Variants in NCKAP5 observed in about 807,000 individuals in gnomAD.
NCKAP5 encodes nck-associated protein 5.
In NCKAP5, 92 loss-of-function variants were observed where a neutral mutation model predicts 167.0. The ratio of observed to expected loss-of-function variants is 0.55; its 90% CI spans 0.47 to 0.66. NCKAP5 has a LOEUF of 0.66. NCKAP5 is among the 30% of genes least tolerant of loss of function. The pLI is 0.00. For missense variants in NCKAP5, 2,378 were observed against 2,315.0 expected (o/e 1.03, Z -0.56); for synonymous variants, 891 against 877.4 (o/e 1.02, Z -0.27).
At chr2:132,759,440 C>T (rs1474016860) in intron 16 of NCKAP5, among the ~76,000 whole-genome samples, 1 of 152,088 alleles carries the variant, frequency 6.6e-6, no homozygotes, top group Middle Eastern at 3.4e-3. Flanking sequence ...TGTATGTGTA[C>T]CGATTTATAA....
the NCKAP5 span, among the ~76,000 whole-genome samples, chr2:133,612,443 T>C: frequency 1.3e-5 from 2 of 152,196 alleles, no homozygotes; most frequent in African/African-American, 4.8e-5. Flanking sequence ...AAGCATTGTG[T>C]TTTACTAGAG....
At chr2:133,507,942 C>G (rs1683157748) in intron 3 of NCKAP5, among the ~76,000 whole-genome samples, 2 of 152,018 alleles carry the variant, frequency 1.3e-5, no homozygotes, top group Admixed American at 1.3e-4. Context: ...TGTAAGATAC[C>G]TAGGCTGCTG....
chr2:132,969,847 T>C (rs1326852841), intron 7 of NCKAP5, among the ~76,000 whole-genome samples: 1 of 152,240 alleles, frequency 6.6e-6, no homozygotes, highest in African/African-American at 2.4e-5. Flanking sequence ...GCCTGTGCTC[T>C]ACATGACAAA....
chr2:132,986,322 T>G (rs1449419071), intron 7 of NCKAP5, among the ~76,000 whole-genome samples: 1 of 152,222 alleles, frequency 6.6e-6, no homozygotes, highest in Non-Finnish European at 1.5e-5. Context: ...GAATAGGTGT[T>G]GATGTACCTC....
At chr2:132,794,263 T>TAGAGAGAGAGAGAGAGAG (rs70973407) in intron 12 of NCKAP5, among the ~76,000 whole-genome samples, 1 of 11,916 alleles carries the variant, frequency 8.4e-5, no homozygotes, top group Non-Finnish European at 1.7e-4. Flanking sequence ...TATATATATA[T>TAGAGAGAGAGAGAGAGAG]AGAGAGAGAG....
intron 4 of NCKAP5, among the ~76,000 whole-genome samples, chr2:133,245,918 G>T (rs996165960): frequency 6.6e-6 from 1 of 150,948 alleles, no homozygotes; most frequent in Non-Finnish European, 1.5e-5. Context: ...AAAAAAAATG[G>T]AGGTGGGGAG....
intron 3 of NCKAP5, among the ~76,000 whole-genome samples, chr2:133,503,084 G>A (rs1439660437): frequency 3.9e-5 from 6 of 152,212 alleles, no homozygotes; most frequent in Non-Finnish European, 7.3e-5. Flanking sequence ...AATCAAGAGT[G>A]TGTATGGTTT....
intron 3 of NCKAP5, among the ~76,000 whole-genome samples, chr2:133,426,671 G>T (rs1689828064): frequency 6.6e-6 from 1 of 152,060 alleles, no homozygotes; most frequent in Non-Finnish European, 1.5e-5. Flanking sequence ...ATGCAAAAAT[G>T]GTTCTAACGA....
intron 19 of NCKAP5, among the ~76,000 whole-genome samples, chr2:132,701,897 C>T (rs1182720279): frequency 6.6e-6 from 1 of 152,094 alleles, no homozygotes; most frequent in Non-Finnish European, 1.5e-5. Context: ...CCGGATGGAA[C>T]CTGGAATCTA....
intron 16 of NCKAP5, among the ~76,000 whole-genome samples, chr2:132,757,791 T>C (rs1371994471): frequency 6.6e-6 from 1 of 152,226 alleles, no homozygotes; most frequent in Non-Finnish European, 1.5e-5. Context: ...TGAAATCCCC[T>C]TGGCTTGCTA....
intron 3 of NCKAP5, among the ~76,000 whole-genome samples, chr2:133,468,934 A>C (rs1324232187): frequency 6.6e-6 from 1 of 152,186 alleles, no homozygotes; most frequent in African/African-American, 2.4e-5. Context: ...TCCTGAATAC[A>C]GCACACTGAT....
chr2:133,084,161 G>T (rs2080905506), intron 6 of NCKAP5, among the ~76,000 whole-genome samples: 1 of 152,074 alleles, frequency 6.6e-6, no homozygotes, highest in Non-Finnish European at 1.5e-5. Context: ...AGGGTGGCTG[G>T]ATAAGGAAAA....
chr2:133,038,150 G>A (rs1329387091), intron 6 of NCKAP5, among the ~76,000 whole-genome samples: 1 of 152,106 alleles, frequency 6.6e-6, no homozygotes, highest in Non-Finnish European at 1.5e-5. Context: ...TCAGTATATT[G>A]AAGAGATAGC....
At chr2:133,422,812 AT>A (rs542008856) in intron 3 of NCKAP5, among the ~76,000 whole-genome samples, 3 of 151,960 alleles carry the variant, frequency 2.0e-5, no homozygotes, top group South Asian at 2.1e-4. Flanking sequence ...TCACTTTGGG[AT>A]TTTTTTTAAG....
intron 6 of NCKAP5, among the ~76,000 whole-genome samples, chr2:133,072,396 C>CTT (rs1346309151): frequency 1.4e-4 from 21 of 152,276 alleles, no homozygotes; most frequent in African/African-American, 4.8e-4. Flanking sequence ...GGGAGCACTG[C>CTT]TGTGCCTCTC....
In NCKAP5 at chr2:132,963,854, C is replaced by G. The variant is rs747114673; in HGVS notation, c.445G>C (p.Glu149Gln). The change falls in exon 8 of 20, where the codon GAA (glutamate) becomes CAA (glutamine). Residue 149 changes from glutamate (E) to glutamine (Q), a missense_variant. This residue lies in a region of NCKAP5 where 1,049 missense variants were observed against 1,023.4 expected (regional missense o/e 1.02). Transcript: ENST00000409261. ...AAAGCTTCCTTATGTTTTCTCTCTT[C>G]CTCTGACAGCTTTTCCTGAAGCAAG... ...IMVYQEKLSE[E>Q]ERKHKEALED... 3.1e-6 allele frequency: 5 copies of G among 1,613,700 alleles called. No individual in the cohort carries two copies. The Admixed American group carries it at 8.3e-5, about 27-fold the overall frequency.
At chr2:133,674,208 G>A in the NCKAP5 span, among the ~76,000 whole-genome samples, 7 of 149,194 alleles carry the variant, frequency 4.7e-5, no homozygotes, top group Non-Finnish European at 8.9e-5. Flanking sequence ...GAATGCTTGG[G>A]TCTGGCTGAA....
intron 3 of NCKAP5, among the ~76,000 whole-genome samples, chr2:133,329,728 C>T (rs187022339): frequency 6.6e-6 from 1 of 152,224 alleles, no homozygotes; most frequent in Non-Finnish European, 1.5e-5. Flanking sequence ...GATTATGTAC[C>T]TTTTGTAACT....
intron 6 of NCKAP5, among the ~76,000 whole-genome samples, chr2:133,114,679 C>A (rs1011901995): frequency 6.6e-6 from 1 of 152,110 alleles, no homozygotes; most frequent in African/African-American, 2.4e-5. Context: ...CTCCCCACCT[C>A]TTTTTTCCTT....
Sources: allele counts gnomAD v4.1 joint callset (sites outside exome capture counted in the v4.1 genomes callset), GRCh38; gene constraint gnomAD v4.1.1; regional missense constraint gnomAD v4.1.1; transcripts MANE v1.5; gene names NCBI Gene and HGNC (gene_info 2026-07-23, HGNC 2026-07-21).